TMTC2: variants seen among roughly 807,000 people sequenced by gnomAD.
TMTC2 encodes protein O-mannosyl-transferase TMTC2.
Under a neutral mutation model 82.4 loss-of-function variants are expected in TMTC2, and 43 were observed. That is an observed-to-expected ratio of 0.52 (90% CI 0.41 to 0.67). TMTC2 has a LOEUF of 0.67. Ranked by LOEUF, TMTC2 falls within the 30% of genes least tolerant of loss-of-function variation. The pLI is 0.00. For synonymous variants in TMTC2, 408 were observed against 381.9 expected (o/e 1.07, Z -0.80); for missense variants, 919 against 1,012.4 (o/e 0.91, Z 1.25).
At chr12:82,969,092 C>T (rs1477118095) in intron 7 of TMTC2, among the ~76,000 whole-genome samples, 1 of 152,080 alleles carries the variant, frequency 6.6e-6, no homozygotes, top group Non-Finnish European at 1.5e-5. Context: ...TTGGCTCTAG[C>T]TCCTAATACA....
At chr12:82,733,446 G>A (rs1874934217) in intron 1 of TMTC2, among the ~76,000 whole-genome samples, 1 of 152,184 alleles carries the variant, frequency 6.6e-6, no homozygotes, top group Non-Finnish European at 1.5e-5. Flanking sequence ...GCATTAAGCA[G>A]CTAATTCCTG....
At chr12:82,899,917 G>C (rs1873905488) in intron 3 of TMTC2, among the ~76,000 whole-genome samples, 1 of 138,244 alleles carries the variant, frequency 7.2e-6, no homozygotes, top group Non-Finnish European at 1.5e-5. Flanking sequence ...TACATATCCG[G>C]AATATAGATA....
intron 1 of TMTC2, among the ~76,000 whole-genome samples, chr12:82,840,295 A>G (rs915254288): frequency 6.6e-6 from 1 of 152,244 alleles, no homozygotes; most frequent in Non-Finnish European, 1.5e-5. Context: ...AAATTTGGCA[A>G]ACTCTAAAGT....
At chr12:83,099,320 A>G (rs1884136002) in intron 11 of TMTC2, among the ~76,000 whole-genome samples, 1 of 152,170 alleles carries the variant, frequency 6.6e-6, no homozygotes, top group African/African-American at 2.4e-5. Context: ...CTCAATAGAA[A>G]CAACCCATAG....
intron 1 of TMTC2, chr12:82,690,347 G>C: frequency 4.1e-6 from 4 of 985,284 alleles, no homozygotes; most frequent in Non-Finnish European, 3.6e-6. Flanking sequence ...GGAGAGGCCA[G>C]TGCCAGAAGT....
chr12:82,821,519 A>G (rs1241357299), intron 1 of TMTC2, among the ~76,000 whole-genome samples: 2 of 152,154 alleles, frequency 1.3e-5, no homozygotes, highest in Admixed American at 6.5e-5. Context: ...GCTTAGAAAG[A>G]TTAAGTAACT....
intron 1 of TMTC2, among the ~76,000 whole-genome samples, chr12:82,696,963 C>CATACATATATATATATATATATAT (rs1491534159): frequency 8.2e-6 from 1 of 121,348 alleles, no homozygotes; most frequent in African/African-American, 3.1e-5. Flanking sequence ...TACATACATA[C>CATACATATATATATATATATATAT]GTATATATAT....
chr12:82,913,939 C>G (rs894274605), intron 3 of TMTC2, among the ~76,000 whole-genome samples: 4 of 152,028 alleles, frequency 2.6e-5, no homozygotes, highest in African/African-American at 9.7e-5. Context: ...GGTTTCAAAT[C>G]CCACAAATAC....
At position 83,096,262 on chromosome 12, in the gene TMTC2, G is replaced by A. The variant is rs114018621; in HGVS notation, c.2331+34431G>A. Among the ~76,000 whole-genome samples the A allele has an allele frequency of 3.3e-3, 509 of 152,352 alleles. 2 individuals are homozygous for A. The highest frequency in any genetic ancestry group is 0.012 in the African/African-American group (483 of 41,580). On this transcript the variant is annotated intron_variant, in intron 11 of 11. Transcript: ENST00000321196. ...TGAAGCTACCAGTGAATGGCAGCAC[G>A]TAGGGTCTCCTTCATTCACTGAAGT...
chr12:82,904,854 A>G (rs17726837), intron 3 of TMTC2, among the ~76,000 whole-genome samples: 13,567 of 152,082 alleles, frequency 0.089, 739 homozygotes, highest in Non-Finnish European at 0.12. Context: ...GGCACCATTG[A>G]TCTCTGTTAC....
chr12:83,068,921 A>T (rs1418799776), intron 11 of TMTC2, among the ~76,000 whole-genome samples: 1 of 151,976 alleles, frequency 6.6e-6, no homozygotes, highest in Admixed American at 6.6e-5. Flanking sequence ...TTGCGTCCTC[A>T]TAACTTAGCT....
intron 1 of TMTC2, among the ~76,000 whole-genome samples, chr12:82,839,793 T>A (rs1870236991): frequency 6.6e-6 from 1 of 152,208 alleles, no homozygotes; most frequent in South Asian, 2.1e-4. Context: ...AATTAGGCTG[T>A]GAACAGTGAT....
At chr12:82,865,236 A>G (rs1871784909) in intron 2 of TMTC2, among the ~76,000 whole-genome samples, 1 of 152,018 alleles carries the variant, frequency 6.6e-6, no homozygotes, top group Non-Finnish European at 1.5e-5. Context: ...AAGAGTCAAG[A>G]CCCATCACTG....
intron 9 of TMTC2, among the ~76,000 whole-genome samples, chr12:83,035,315 T>G (rs1457566732): frequency 6.6e-6 from 1 of 152,184 alleles, no homozygotes; most frequent in African/African-American, 2.4e-5. Context: ...TTTTAAAATT[T>G]TTTTCAGATT....
intron 11 of TMTC2, among the ~76,000 whole-genome samples, chr12:83,062,828 T>A (rs1882791560): frequency 6.6e-6 from 1 of 151,824 alleles, no homozygotes; most frequent in Non-Finnish European, 1.5e-5. Context: ...TAATGTTCCC[T>A]GAAAGAGACC....
At chr12:82,791,237 T>C (rs528210593) in intron 1 of TMTC2, among the ~76,000 whole-genome samples, 8 of 152,284 alleles carry the variant, frequency 5.3e-5, no homozygotes, top group South Asian at 4.1e-4. Context: ...TTTACTGATA[T>C]AGCTGTAGGT....
chr12:82,979,029 G>T, intron 7 of TMTC2, among the ~76,000 whole-genome samples: 1 of 151,506 alleles, frequency 6.6e-6, no homozygotes, highest in Non-Finnish European at 1.5e-5. Flanking sequence ...TTCCATTTGT[G>T]TGGAATATCT....
intron 11 of TMTC2, among the ~76,000 whole-genome samples, chr12:83,094,146 A>G (rs555851815): frequency 2.8e-4 from 43 of 152,352 alleles, no homozygotes; most frequent in African/African-American, 1.0e-3. Context: ...ATAGAAGTAG[A>G]TAATGCAGTC....
intron 1 of TMTC2, among the ~76,000 whole-genome samples, chr12:82,787,029 A>G (rs1592521507): frequency 1.3e-5 from 2 of 152,280 alleles, no homozygotes. Context: ...TTGTTTGTTC[A>G]GAGAGCTTTA....
Sources: allele counts gnomAD v4.1 joint callset (sites outside exome capture counted in the v4.1 genomes callset), GRCh38; gene constraint gnomAD v4.1.1; transcripts MANE v1.5; gene names NCBI Gene and HGNC (gene_info 2026-07-23, HGNC 2026-07-21).